MTSS1: variants seen among roughly 807,000 people sequenced by gnomAD.
MTSS1 encodes the protein protein MTSS 1.
A neutral mutation model predicts 79.0 loss-of-function variants in MTSS1; 18 were observed. The observed-to-expected ratio is 0.23, with a 90% CI of 0.16 to 0.34. The LOEUF (loss-of-function observed/expected upper bound fraction) is 0.34. Among genes scored for constraint, MTSS1 ranks in the 10% least tolerant of loss-of-function variants. The probability of loss-of-function intolerance (pLI) is 1.00; values close to 1 mark genes in which losing one functional copy is unlikely to be tolerated. For synonymous variants in MTSS1, 341 were observed against 368.6 expected (o/e 0.93, Z 0.86); for missense variants, 815 against 986.2 (o/e 0.83, Z 2.33).
chr8:124,626,990 C>T (rs910670765), intron 3 of MTSS1, among the ~76,000 whole-genome samples: 2 of 152,166 alleles, frequency 1.3e-5, no homozygotes, highest in Admixed American at 6.5e-5. Context: ...GGGTTGGACA[C>T]GAACCTGTCA....
rs769239559 is a variant in MTSS1 at position 124,553,252 on chromosome 8, A to C, written c.2008T>G (p.Ser670Ala). 6.2e-6 allele frequency: 10 copies of C among 1,613,950 alleles called. No individual in the cohort carries two copies. In the African/African-American group the frequency reaches 1.3e-4, roughly 22 times the overall value. The change falls in exon 14 of 14, where the codon TCC becomes GCC. Residue 670 changes from serine (S) to alanine (A), a missense_variant. Coordinates refer to ENST00000518547, the MANE Select transcript of MTSS1 (RefSeq NM_014751.6). The surrounding 1 kb of genome is among the most constrained non-coding windows in gnomAD (Gnocchi z 6.0). ...GGGCCTGGAAGTGGAGGGTTAACGG[A>C]AGCTTGGCCGCTCCACATTGAGGAG... Reference protein sequence around the residue: ...MPSSMWSGQASVNPPLPGPKP... With the variant: ...MPSSMWSGQAAVNPPLPGPKP...
At chr8:124,666,255 A>C (rs1823052079) in intron 3 of MTSS1, among the ~76,000 whole-genome samples, 1 of 152,242 alleles carries the variant, frequency 6.6e-6, no homozygotes, top group Non-Finnish European at 1.5e-5. Context: ...GAATCAATGA[A>C]TAAATGGACA....
intron 1 of MTSS1, among the ~76,000 whole-genome samples, chr8:124,711,219 G>T (rs561159302): frequency 3.5e-4 from 53 of 152,198 alleles, no homozygotes; most frequent in Non-Finnish European, 6.6e-4. Flanking sequence ...AGACAGGCAG[G>T]TTCTGATTTG....
At chr8:124,718,099 C>T (rs1286628654) in intron 1 of MTSS1, among the ~76,000 whole-genome samples, 1 of 151,258 alleles carries the variant, frequency 6.6e-6, no homozygotes, top group Non-Finnish European at 1.5e-5. Context: ...AATGTGCGAG[C>T]CCTTGTGAGT....
intron 3 of MTSS1, among the ~76,000 whole-genome samples, chr8:124,643,164 C>T (rs1267189700): frequency 6.6e-6 from 1 of 152,152 alleles, no homozygotes; most frequent in East Asian, 1.9e-4. Flanking sequence ...TTTGGCAATA[C>T]AACAGAAGCC....
At chr8:124,575,690 A>G (rs777484592) in intron 6 of MTSS1, among the ~76,000 whole-genome samples, 6 of 152,218 alleles carry the variant, frequency 3.9e-5, no homozygotes, top group Non-Finnish European at 8.8e-5. Flanking sequence ...TAGGAGTTTT[A>G]TCATCAAGAT....
intron 1 of MTSS1, among the ~76,000 whole-genome samples, chr8:124,720,240 A>T (rs901176121): frequency 6.6e-6 from 1 of 152,190 alleles, no homozygotes; most frequent in Non-Finnish European, 1.5e-5. Flanking sequence ...CGAGTTAGGG[A>T]GCACTGGACA....
chr8:124,570,540 TA>T (rs1387463879), intron 6 of MTSS1, among the ~76,000 whole-genome samples: 4 of 152,220 alleles, frequency 2.6e-5, no homozygotes, highest in African/African-American at 9.7e-5. Flanking sequence ...AATTATGTAT[TA>T]AACTTTACCA....
intron 10 of MTSS1, chr8:124,558,816 G>A (rs1163908889): frequency 6.4e-7 from 1 of 1,566,090 alleles, no homozygotes; most frequent in South Asian, 1.2e-5. Context: ...TTCGGAGGAG[G>A]CCGAGCTGGA....
At chr8:124,601,153 C>G (rs949978226) in intron 3 of MTSS1, among the ~76,000 whole-genome samples, 5 of 150,748 alleles carry the variant, frequency 3.3e-5, no homozygotes, top group African/African-American at 1.2e-4. Flanking sequence ...CTCCACCTCC[C>G]GGGTTCAAGC....
intron 3 of MTSS1, among the ~76,000 whole-genome samples, chr8:124,602,207 A>ACACATATATATATAC: frequency 7.0e-6 from 1 of 142,218 alleles, no homozygotes; most frequent in African/African-American, 2.7e-5. Flanking sequence ...ATATATATAT[A>ACACATATATATATAC]ATTTTTTTTT....
intron 10 of MTSS1, 60 bp from the exon 11 acceptor site, chr8:124,557,935 G>A: frequency 7.5e-7 from 1 of 1,327,910 alleles, no homozygotes; most frequent in Non-Finnish European, 1.0e-6. Context: ...CAGGATGAGT[G>A]CGGAGATACA....
At chr8:124,716,342 T>C (rs1050209502) in intron 1 of MTSS1, among the ~76,000 whole-genome samples, 8 of 152,192 alleles carry the variant, frequency 5.3e-5, no homozygotes, top group Non-Finnish European at 8.8e-5. Context: ...GAAGTCGAGA[T>C]CATGCTCTGC....
In MTSS1 at chr8:124,565,740, C is replaced by A. The variant is rs780801667; in HGVS notation, c.746G>T (p.Gly249Val). The change falls in exon 9 of 14, where the codon GGT (glycine) becomes GTT (valine). Residue 249 changes from glycine to valine, a missense_variant. Around this residue, in one of 2 missense-constraint regions of MTSS1, gnomAD observed 225 missense variants for 365.4 expected, o/e 0.62. Transcript: ENST00000518547. Reference sequence around the variant, plus strand: ...CTGATACGACCAGCTGTAATCAGAACCTTTCAAGTCCAGAATCACCTAAGG... The same window carrying A: ...CTGATACGACCAGCTGTAATCAGAAACTTTCAAGTCCAGAATCACCTAAGG... ...SSEQVILDLK[G>V]SDYSWSYQTP... is the part of the protein sequence containing the mutation. 9.9e-6 allele frequency: 16 copies of A among 1,613,738 alleles called. No individual in the cohort carries two copies. Among genetic ancestry groups the A allele is most frequent in the Admixed American group, 3.3e-5 (2 of 60,004 alleles).
intron 3 of MTSS1, among the ~76,000 whole-genome samples, chr8:124,668,074 C>A (rs1823447678): frequency 6.6e-6 from 1 of 152,058 alleles, no homozygotes; most frequent in African/African-American, 2.4e-5. Context: ...GGGGACGCCA[C>A]CCTGTCTCAA....
chr8:124,618,041 T>C (rs1053186108), intron 3 of MTSS1, among the ~76,000 whole-genome samples: 1 of 152,186 alleles, frequency 6.6e-6, no homozygotes, highest in Non-Finnish European at 1.5e-5. Flanking sequence ...TACTCACCCC[T>C]TCTAAATGGA....
intron 3 of MTSS1, among the ~76,000 whole-genome samples, chr8:124,604,536 C>G (rs908832735): frequency 1.3e-5 from 2 of 151,954 alleles, no homozygotes; most frequent in Non-Finnish European, 2.9e-5. Flanking sequence ...CAATGGCAAT[C>G]CTAACAACTC....
At chr8:124,593,125 C>G (rs1210204141) in intron 3 of MTSS1, among the ~76,000 whole-genome samples, 1 of 152,246 alleles carries the variant, frequency 6.6e-6, no homozygotes, top group Non-Finnish European at 1.5e-5. Context: ...CAGAGGGCGC[C>G]GTTTTCACAC....
At chr8:124,690,169 G>A (rs372232387) in intron 3 of MTSS1, among the ~76,000 whole-genome samples, 12 of 152,122 alleles carry the variant, frequency 7.9e-5, no homozygotes, top group African/African-American at 2.7e-4. Context: ...TCCCGCCGCC[G>A]CCACCACCAT....
Sources: gnomAD v4.1 joint callset for allele counts (sites outside exome capture counted in the v4.1 genomes callset) on GRCh38, gnomAD v4.1.1 for gene constraint, gnomAD v4.1.1 regional missense constraint, Gnocchi (gnomAD v3.1) non-coding constraint, MANE v1.5 for transcripts, NCBI Gene and HGNC (gene_info 2026-07-23, HGNC 2026-07-21) for gene names.